Variants in CDH5 observed in about 807,000 individuals in gnomAD.
CDH5 encodes the protein cadherin-5.
CDH5 carries 28 observed loss-of-function variants against 62.0 expected under a neutral mutation model. That is an observed-to-expected ratio of 0.45 (90% confidence interval 0.33 to 0.62). CDH5 has a LOEUF of 0.62. Ranked by LOEUF, CDH5 falls within the 20% of genes least tolerant of loss-of-function variation. CDH5 has a pLI of 0.02. For synonymous variants in CDH5, 464 were observed against 445.8 expected (o/e 1.04, Z -0.52); for missense variants, 940 against 1,065.1 (o/e 0.88, Z 1.63).
At chr16:66,374,438 G>C (rs866450239) in intron 1 of CDH5, among the ~76,000 whole-genome samples, 1 of 152,222 alleles carries the variant, frequency 6.6e-6, no homozygotes, top group African/African-American at 2.4e-5. Flanking sequence ...GCCAGTCTCA[G>C]CCCTGTCAGA....
Position 66,392,423 on chromosome 16 carries a change from C to T in CDH5, c.1217+40C>T, listed in dbSNP as rs371254346. The stretch of plus-strand genomic sequence containing the variant: ...GTCGATGAGAATGATAAGGACAATC[C>T]GGCCTGGATGTTCCTATGCCTGCTG... On this transcript the variant is annotated intron_variant, in intron 7 of 11. Transcript: ENST00000341529. 5.9e-5 allele frequency: 95 copies of T among 1,609,034 alleles called. No individual in the cohort carries two copies. In the African/African-American group the frequency reaches 1.1e-3, roughly 18 times the overall value.
chr16:66,374,530 C>T (rs1960750099), intron 1 of CDH5, among the ~76,000 whole-genome samples: 1 of 152,162 alleles, frequency 6.6e-6, no homozygotes, highest in African/African-American at 2.4e-5. Context: ...GGACACACAA[C>T]AGAATCCAAG....
intron 1 of CDH5, among the ~76,000 whole-genome samples, chr16:66,367,549 C>G (rs970280851): frequency 9.2e-5 from 14 of 152,220 alleles, no homozygotes; most frequent in Non-Finnish European, 5.9e-5. Context: ...AGACAGCTGC[C>G]CTGGGTACAG....
intron 7 of CDH5, 149 bp downstream of exon 7, chr16:66,392,532 G>A (rs1006199193): frequency 2.2e-5 from 25 of 1,111,942 alleles, no homozygotes; most frequent in Non-Finnish European, 3.1e-5. Flanking sequence ...AGAAGCCCAA[G>A]CTCTTGCACT....
chr16:66,379,658 G>C, intron 2 of CDH5, 111 bp downstream of exon 2: 1 of 915,272 alleles, frequency 1.1e-6, no homozygotes, highest in South Asian at 1.5e-5. Flanking sequence ...TGTGGTGGTT[G>C]TAGGAGTGGA....
Position 66,379,375 on chromosome 16 carries a change from C to G in CDH5, c.38C>G (p.Ala13Gly). The change falls in exon 2 of 12, where the codon GCC (alanine) becomes GGC (glycine). Residue 13 changes from alanine to glycine, a missense_variant. By Grantham distance (60) the Ala-to-Gly change is moderately conservative (BLOSUM62 0). Transcript: ENST00000341529. ...ATGATGCTCCTCGCCACATCGGGCGCCTGCCTGGGCCTGCTGGCAGTGGCA... is the reference window on the plus strand; with the variant it reads ...ATGATGCTCCTCGCCACATCGGGCGGCTGCCTGGGCCTGCTGGCAGTGGCA... ...RLMMLLATSG[A>G]CLGLLAVAAV... 6.2e-7 allele frequency: 1 copy of G among 1,613,466 alleles called. No homozygotes were observed.
rs554877512 is a variant in CDH5, at chr16:66,389,447, C to T, written c.706C>T (p.Arg236Trp). 5.9e-5 allele frequency: 95 copies of T among 1,613,022 alleles called. No individual in the cohort carries two copies. The highest frequency in any genetic ancestry group is 5.7e-4 in the South Asian group (52 of 90,928). ...GGAAGCGCGAGATGCCCAGGGCCTC[C>T]GGGGGGACTCGGGCACGGCCACCGT... ...VVEARDAQGL[R>W]GDSGTATVLV... The change falls in exon 5 of 12, where the codon CGG becomes TGG. Residue 236 changes from arginine (R) to tryptophan (W), a missense_variant. Physicochemically the swap from Arg to Trp is moderately radical, Grantham distance 101. Coordinates refer to ENST00000341529, the MANE Select transcript of CDH5 (RefSeq NM_001795.5).
chr16:66,401,140 C>A, intron 11 of CDH5, 124 bp downstream of exon 11: 1 of 1,263,458 alleles, frequency 7.9e-7, no homozygotes, highest in Non-Finnish European at 1.1e-6. Context: ...TGCCTCCAAT[C>A]TGCAATGCAG....
chr16:66,392,756 C>T (rs1474942476), intron 7 of CDH5: 1 of 220,366 alleles, frequency 4.5e-6, no homozygotes, highest in Admixed American at 5.2e-5. Flanking sequence ...AATCTATCTT[C>T]CCCAAACCAC....
chr16:66,396,701 A>G (rs1961191423), intron 8 of CDH5, among the ~76,000 whole-genome samples: 1 of 152,220 alleles, frequency 6.6e-6, no homozygotes, highest in Admixed American at 6.5e-5. Context: ...CAATTTTGAG[A>G]TTGTGAGTTT....
rs771604993 is a variant in CDH5 at position 66,402,900 on chromosome 16, C to G, written c.2086C>G (p.Pro696Ala). 1.2e-6 allele frequency: 2 copies of G among 1,611,436 alleles called. No homozygotes were observed. Among genetic ancestry groups the G allele is most frequent in the African/African-American group, 2.7e-5 (2 of 74,886 alleles). ...GGTGCAGAAGCCACCGAGGCACGCG[C>G]CTGGGGCACACGGAGGGCCCGGGGA... ...AQVQKPPRHAPGAHGGPGEMA... is the reference protein window; with the variant it reads ...AQVQKPPRHAAGAHGGPGEMA... The change falls in exon 12 of 12, where the codon CCT (proline) becomes GCT (alanine). Residue 696 changes from proline to alanine, a missense_variant. Transcript: ENST00000341529.
chr16:66,392,156 C>T lies in CDH5; in HGVS notation c.990C>T (p.Ile330=), dbSNP rs1215266391. The part of the protein sequence containing the change: ...KPMKPLDYEY[I]QQYSFIVEAT... ...CGCAGCCTCTGGATTATGAATACAT[C>T]CAGCAATACAGCTTCATCGTCGAGG... The change falls in exon 7 of 12, where the codon ATC becomes ATT. Residue 330 remains isoleucine (I), a synonymous_variant. Coordinates refer to ENST00000341529, the MANE Select transcript of CDH5 (RefSeq NM_001795.5). 9 of 1,614,176 alleles carry T rather than the reference C, an allele frequency of 5.6e-6. No homozygotes were observed. Among genetic ancestry groups the T allele is most frequent in the Admixed American group, 3.3e-5 (2 of 60,028 alleles).
At chr16:66,393,255 T>C (rs1961120656) in intron 7 of CDH5, among the ~76,000 whole-genome samples, 1 of 152,254 alleles carries the variant, frequency 6.6e-6, no homozygotes, top group Non-Finnish European at 1.5e-5. Flanking sequence ...CTACTTCTAA[T>C]TCTCTGTCCT....
rs528370372 is a variant in CDH5 at position 66,404,705 on chromosome 16, C to G, written c.*1536C>G. The G allele has an allele frequency of 6.5e-6, 1 of 152,692 alleles. No individual in the cohort carries two copies. Among genetic ancestry groups the G allele is most frequent in the South Asian group, 2.1e-4 (1 of 4,822 alleles). 9.5% of individuals were successfully genotyped at this position (152,692 alleles called of 1,614,324 possible). A position where few individuals can be genotyped will look rare whatever the true frequency, so the allele number is the denominator to read the frequency against. ...GTAGTAATTGCTCTACAGATAATGT[C>G]TATATATTGGCCAAACTGGTGCATG... is the stretch of plus-strand genomic sequence containing the variant. On this transcript the variant is annotated 3_prime_UTR_variant, in exon 12 of 12. Coordinates refer to ENST00000341529, the MANE Select transcript of CDH5 (RefSeq NM_001795.5).
chr16:66,379,568 C>T (rs1960849393), intron 2 of CDH5, 21 bp downstream of exon 2: 2 of 1,607,840 alleles, frequency 1.2e-6, no homozygotes, highest in African/African-American at 1.3e-5. Context: ...AGCCCCAGGA[C>T]AGGAGAAGCC....
At chr16:66,370,240 T>C (rs1238584360) in intron 1 of CDH5, among the ~76,000 whole-genome samples, 1 of 152,156 alleles carries the variant, frequency 6.6e-6, no homozygotes, top group African/African-American at 2.4e-5. Context: ...CCTCAGGTGA[T>C]CCACTGGTCT....
At chr16:66,373,578 G>GTGTCT (rs1960731940) in intron 1 of CDH5, among the ~76,000 whole-genome samples, 1 of 151,980 alleles carries the variant, frequency 6.6e-6, no homozygotes, top group Admixed American at 6.6e-5. Context: ...ACCATGCCAG[G>GTGTCT]CTAATTTTTG....
intron 1 of CDH5, chr16:66,377,776 G>A (rs1438617787): frequency 6.6e-6 from 1 of 152,182 alleles, no homozygotes; most frequent in Non-Finnish European, 1.5e-5. Context: ...AGTCAGGGCT[G>A]AGAGAACATG....
In CDH5 at chr16:66,389,529, C is replaced by T. The variant is rs1224278031; in HGVS notation, c.781+7C>T. 1.3e-6 allele frequency: 2 copies of T among 1,577,072 alleles called. No homozygotes were observed. The highest frequency in any genetic ancestry group is 1.7e-6 in the Non-Finnish European group (2 of 1,156,776). ...TTCCCCTTCTTCACCCAGAGTGAGC[C>T]CCTCCTCTAGGGCCCTGGGAAGGGG... is the stretch of plus-strand genomic sequence containing the variant. On this transcript the variant is annotated splice_region_variant and intron_variant, in intron 5 of 11. Coordinates refer to ENST00000341529, the MANE Select transcript of CDH5 (RefSeq NM_001795.5).
Sources: allele counts gnomAD v4.1 joint callset (sites outside exome capture counted in the v4.1 genomes callset), GRCh38; gene constraint gnomAD v4.1.1; transcripts MANE v1.5; gene names NCBI Gene and HGNC (gene_info 2026-07-23, HGNC 2026-07-21).